DLGAP2: variants seen among roughly 807,000 people sequenced by gnomAD.
The protein encoded by DLGAP2 is disks large-associated protein 2.
DLGAP2 carries 26 observed loss-of-function variants against 100.3 expected under a neutral mutation model. The observed-to-expected ratio is 0.26, with a 90% CI of 0.19 to 0.36. DLGAP2 has a LOEUF of 0.36. DLGAP2 is among the 10% of genes least tolerant of loss of function. DLGAP2 has a pLI of 1.00. For missense variants in DLGAP2, 1,858 were observed against 1,453.2 expected (o/e 1.28, Z -4.53); for synonymous variants, 886 against 630.1 (o/e 1.41, Z -6.08).
intron 2 of DLGAP2, among the ~76,000 whole-genome samples, chr8:1,067,127 C>T (rs996057362): frequency 2.6e-5 from 4 of 152,208 alleles, no homozygotes; most frequent in Non-Finnish European, 4.4e-5. Flanking sequence ...ACAGCCCCCT[C>T]TGTGATCTTC....
chr8:1,303,398 A>G (rs1343813259), intron 3 of DLGAP2, among the ~76,000 whole-genome samples: 1 of 87,608 alleles, frequency 1.1e-5, no homozygotes, highest in Admixed American at 1.1e-4. Flanking sequence ...CTCCGTCTCA[A>G]AAACAAAAAA....
rs180967671 is a variant in DLGAP2, at chr8:1,695,426, G to C, written c.2797-1721G>C. ...CGGCCCTACAGAAAGAGGGGGCACA[G>C]CCATGTCCGGCCCTACAGAAAGAGG... On this transcript the variant is annotated intron_variant, in intron 13 of 14. Coordinates refer to ENST00000637795, the MANE Select transcript of DLGAP2 (RefSeq NM_001346810.2). 7.2e-4 allele frequency among the ~76,000 whole-genome samples: 102 copies of C among 141,450 alleles called. 8 individuals are homozygous for C. The highest frequency in any genetic ancestry group is 2.6e-3 in the African/African-American group (90 of 34,006). The allele number at this position is 141,450 out of a possible 152,430, so 92.8% of individuals were successfully genotyped here. A position where few individuals can be genotyped will look rare whatever the true frequency, so the allele number is the denominator to read the frequency against.
chr8:779,161 C>T (rs1021898085), intron 1 of DLGAP2, among the ~76,000 whole-genome samples: 17 of 152,244 alleles, frequency 1.1e-4, no homozygotes, highest in Non-Finnish European at 2.1e-4. Flanking sequence ...TGACGCCTTG[C>T]GCTTCCCGAG....
chr8:1,670,334 C>T (rs528037214), intron 10 of DLGAP2, among the ~76,000 whole-genome samples: 1 of 152,368 alleles, frequency 6.6e-6, no homozygotes, highest in South Asian at 2.1e-4. Context: ...GGACCCCACA[C>T]CCCTCCGTGG....
chr8:1,677,564 A>T (rs142895890), intron 11 of DLGAP2, among the ~76,000 whole-genome samples: 146 of 152,256 alleles, frequency 9.6e-4, no homozygotes, highest in African/African-American at 3.3e-3. Flanking sequence ...GAGCATACCC[A>T]CGTGCACACA....
chr8:1,338,660 C>G (rs895951666), intron 3 of DLGAP2, among the ~76,000 whole-genome samples: 2 of 152,112 alleles, frequency 1.3e-5, no homozygotes, highest in Non-Finnish European at 2.9e-5. Flanking sequence ...AAATCTAAAA[C>G]AAACCAAAAA....
At chr8:876,638 G>A (rs1272259599) in intron 1 of DLGAP2, among the ~76,000 whole-genome samples, 1 of 152,158 alleles carries the variant, frequency 6.6e-6, no homozygotes, top group Non-Finnish European at 1.5e-5. Flanking sequence ...TATCCTTGTT[G>A]GAGTTTGTGG....
At chr8:1,677,866 G>T (rs1798846111) in intron 11 of DLGAP2, among the ~76,000 whole-genome samples, 2 of 152,160 alleles carry the variant, frequency 1.3e-5, no homozygotes, top group African/African-American at 4.8e-5. Context: ...GCAACCCATG[G>T]CTTTGGCTGC....
At chr8:1,064,839 C>G (rs567173491) in intron 2 of DLGAP2, among the ~76,000 whole-genome samples, 6 of 152,202 alleles carry the variant, frequency 3.9e-5, no homozygotes, top group African/African-American at 1.4e-4. Flanking sequence ...GTTTCACCCC[C>G]CTCCACCCTG....
At chr8:1,023,857 ATGTGTGTGTG>A (rs149206104) in intron 2 of DLGAP2, among the ~76,000 whole-genome samples, 21 of 128,940 alleles carry the variant, frequency 1.6e-4, no homozygotes, top group South Asian at 8.2e-4. Flanking sequence ...AACTTTATAT[ATGTGTGTGTG>A]TGTGTGTGTG....
At chr8:1,314,456 G>C (rs968816138) in intron 3 of DLGAP2, among the ~76,000 whole-genome samples, 2 of 152,322 alleles carry the variant, frequency 1.3e-5, no homozygotes, top group East Asian at 1.9e-4. Context: ...CTCTAGAGCT[G>C]TCTGTGCTGT....
At chr8:1,488,026 G>A (rs1041013407) in intron 3 of DLGAP2, among the ~76,000 whole-genome samples, 1 of 108,206 alleles carries the variant, frequency 9.2e-6, no homozygotes, top group Non-Finnish European at 2.3e-5. Context: ...TTCCATCATC[G>A]CTGAGAGTCT....
At chr8:1,250,661 C>G (rs986895930) in intron 2 of DLGAP2, 1 of 152,058 alleles carries the variant, frequency 6.6e-6, no homozygotes, top group Non-Finnish European at 1.5e-5. Context: ...ACGGTTGTTC[C>G]TACCGTTCAT....
At chr8:1,600,824 C>T (rs1296337472) in intron 6 of DLGAP2, among the ~76,000 whole-genome samples, 1 of 152,134 alleles carries the variant, frequency 6.6e-6, no homozygotes, top group Admixed American at 6.5e-5. Flanking sequence ...AGAACATACT[C>T]CTTTAGCTTG....
intron 2 of DLGAP2, among the ~76,000 whole-genome samples, chr8:1,209,531 A>C (rs1350860288): frequency 6.6e-6 from 1 of 152,186 alleles, no homozygotes; most frequent in Non-Finnish European, 1.5e-5. Context: ...TCATAAATAC[A>C]ATTAATCCGT....
chr8:1,435,783 G>C (rs1352542558), intron 3 of DLGAP2, among the ~76,000 whole-genome samples: 1 of 152,000 alleles, frequency 6.6e-6, no homozygotes, highest in Non-Finnish European at 1.5e-5. Flanking sequence ...GGGACAGGAA[G>C]TGAAGCTGGA....
intron 3 of DLGAP2, among the ~76,000 whole-genome samples, chr8:1,377,459 G>A (rs1262061337): frequency 6.6e-6 from 1 of 152,240 alleles, no homozygotes; most frequent in Non-Finnish European, 1.5e-5. Flanking sequence ...CAGGATAATG[G>A]TGTGAACCTG....
intron 2 of DLGAP2, chr8:1,002,146 T>A (rs992316674): frequency 6.6e-6 from 1 of 152,200 alleles, no homozygotes; most frequent in African/African-American, 2.4e-5. Flanking sequence ...ATTCGATCAC[T>A]GGCTGAGAAC....
chr8:1,311,971 C>T (rs574345494), intron 3 of DLGAP2, among the ~76,000 whole-genome samples: 2 of 152,318 alleles, frequency 1.3e-5, no homozygotes, highest in East Asian at 1.9e-4. Flanking sequence ...TGAGTGTCTG[C>T]TCTCAGTAAT....
Sources: gnomAD v4.1 joint callset for allele counts (sites outside exome capture counted in the v4.1 genomes callset) on GRCh38, gnomAD v4.1.1 for gene constraint, MANE v1.5 for transcripts, NCBI Gene and HGNC (gene_info 2026-07-23, HGNC 2026-07-21) for gene names.